AFF3: variants seen among roughly 807,000 people sequenced by gnomAD.
AFF3 encodes ALF transcription elongation factor 3.
In AFF3, 32 loss-of-function variants were observed where a neutral mutation model predicts 129.7. That is an observed-to-expected ratio of 0.25 (90% CI 0.19 to 0.33). The LOEUF (loss-of-function observed/expected upper bound fraction) is 0.33. Ranked by LOEUF, AFF3 falls within the 10% of genes least tolerant of loss-of-function variation. The pLI is 1.00. For missense variants in AFF3, 1,373 were observed against 1,592.0 expected, an observed-to-expected ratio of 0.86 and a Z score of 2.34; for synonymous variants, 644 against 635.4, an observed-to-expected ratio of 1.01 and a Z score of -0.20.
intron 13 of AFF3, among the ~76,000 whole-genome samples, chr2:99,602,322 C>CT (rs1208230077): frequency 6.6e-6 from 1 of 152,182 alleles, no homozygotes; most frequent in African/African-American, 2.4e-5. Context: ...ATATTCCGGA[C>CT]TTTAAAATTC....
chr2:99,647,804 C>T (rs1026116767), intron 13 of AFF3, among the ~76,000 whole-genome samples: 4 of 152,136 alleles, frequency 2.6e-5, no homozygotes, highest in African/African-American at 7.2e-5. Flanking sequence ...TGCCCTATTA[C>T]ATTTGAGGAT....
intron 17 of AFF3, 123 bp downstream of exon 17, chr2:99,582,675 A>G: frequency 9.9e-7 from 1 of 1,005,818 alleles, no homozygotes; most frequent in Non-Finnish European, 1.5e-6. Context: ...TAGAAGCGGG[A>G]GGCATTCAGG....
At chr2:99,887,969 A>G (rs1247024552) in intron 7 of AFF3, among the ~76,000 whole-genome samples, 1 of 152,170 alleles carries the variant, frequency 6.6e-6, no homozygotes, top group Non-Finnish European at 1.5e-5. Flanking sequence ...ATATCCATGG[A>G]CGTCCATGAT....
intron 7 of AFF3, among the ~76,000 whole-genome samples, chr2:99,973,516 C>T (rs1180594912): frequency 5.3e-5 from 8 of 152,094 alleles, no homozygotes; most frequent in African/African-American, 1.2e-4. Context: ...TGGTTTATTC[C>T]GTTTTGTGCA....
intron 7 of AFF3, among the ~76,000 whole-genome samples, chr2:99,913,372 G>A (rs921042092): frequency 5.3e-5 from 8 of 152,126 alleles, no homozygotes; most frequent in Non-Finnish European, 1.0e-4. Flanking sequence ...ATGCAGAAGC[G>A]GGAACACTAG....
intron 11 of AFF3, among the ~76,000 whole-genome samples, chr2:99,688,395 TG>T (rs1486341233): frequency 6.6e-6 from 1 of 152,196 alleles, no homozygotes; most frequent in Non-Finnish European, 1.5e-5. Flanking sequence ...GTCCCAACAA[TG>T]CAATCAGATG....
chr2:99,757,541 T>A (rs550842505), intron 8 of AFF3, among the ~76,000 whole-genome samples: 1 of 152,324 alleles, frequency 6.6e-6, no homozygotes, highest in South Asian at 2.1e-4. Context: ...ATACCCACCC[T>A]GAAAGGTAGG....
chr2:99,602,710 A>C (rs1442987478), intron 13 of AFF3, among the ~76,000 whole-genome samples: 1 of 152,212 alleles, frequency 6.6e-6, no homozygotes, highest in Admixed American at 6.5e-5. Context: ...ACCGAGCATC[A>C]ATGAAGGCCA....
chr2:99,624,285 C>T (rs1299118291), intron 13 of AFF3, among the ~76,000 whole-genome samples: 4 of 152,068 alleles, frequency 2.6e-5, no homozygotes, highest in Non-Finnish European at 5.9e-5. Context: ...AAGGAGGTGA[C>T]AGTTTGGGAA....
At chr2:99,942,174 C>A (rs1376742107) in intron 7 of AFF3, among the ~76,000 whole-genome samples, 1 of 152,122 alleles carries the variant, frequency 6.6e-6, no homozygotes. Flanking sequence ...GGATGAGACA[C>A]AGCTCACGCC....
intron 4 of AFF3, among the ~76,000 whole-genome samples, chr2:100,039,453 G>A (rs777581243): frequency 2.0e-5 from 3 of 152,092 alleles, no homozygotes; most frequent in Non-Finnish European, 2.9e-5. Context: ...TGCTACTTGC[G>A]AGGCTGAGGC....
chr2:99,809,113 C>T (rs1429140443), intron 8 of AFF3, among the ~76,000 whole-genome samples: 1 of 152,092 alleles, frequency 6.6e-6, no homozygotes, highest in Non-Finnish European at 1.5e-5. Context: ...AAAATGAAGT[C>T]GAAGTGCAGT....
Position 99,744,112 on chromosome 2 carries a change from T to A in AFF3, c.1031A>T (p.Asn344Ile). The A allele has an allele frequency of 6.2e-7, 1 of 1,606,848 alleles. No individual in the cohort carries two copies. ...KDSQLVSSGHNNPKKGDAEPE... is the reference protein window; with the variant it reads ...KDSQLVSSGHINPKKGDAEPE... ...AGCGAAGTCTTTCTTACTTGGATTA[T>A]TGTGTCCAGAGGATACAAGCTGAGA... The change falls in exon 10 of 25, where the codon AAT (asparagine) becomes ATT (isoleucine). Residue 344 changes from asparagine (N) to isoleucine (I), a missense_variant. Asn to Ile is a moderately radical substitution (Grantham distance 149). Coordinates refer to ENST00000672756, the MANE Select transcript of AFF3 (RefSeq NM_001386135.1).
At chr2:99,817,780 C>A (rs1352667639) in intron 8 of AFF3, among the ~76,000 whole-genome samples, 2 of 152,162 alleles carry the variant, frequency 1.3e-5, no homozygotes, top group East Asian at 3.9e-4. Context: ...TTGCAGCTTC[C>A]ATTGTCGGAG....
At chr2:100,082,077 A>C (rs1689084696) in intron 4 of AFF3, among the ~76,000 whole-genome samples, 1 of 152,188 alleles carries the variant, frequency 6.6e-6, no homozygotes, top group Non-Finnish European at 1.5e-5. Flanking sequence ...GTTTCTTGAA[A>C]AGCTTTTTAA....
At chr2:99,989,287 C>T (rs1037013747) in intron 7 of AFF3, among the ~76,000 whole-genome samples, 1 of 152,186 alleles carries the variant, frequency 6.6e-6, no homozygotes, top group Admixed American at 6.5e-5. Context: ...ATCACAGAGC[C>T]CACAGAAGAA....
chr2:99,594,798 T>C (rs1222364328), intron 14 of AFF3, among the ~76,000 whole-genome samples: 1 of 152,156 alleles, frequency 6.6e-6, no homozygotes, highest in Non-Finnish European at 1.5e-5. Context: ...AGGTAGGCTG[T>C]AGTAATTTGG....
chr2:99,846,675 C>T (rs1689749523), intron 7 of AFF3, among the ~76,000 whole-genome samples: 1 of 152,242 alleles, frequency 6.6e-6, no homozygotes, highest in South Asian at 2.1e-4. Context: ...GATGGATAAT[C>T]AATTCCCTTT....
intron 10 of AFF3, among the ~76,000 whole-genome samples, chr2:99,729,051 C>T (rs1179739162): frequency 6.6e-6 from 1 of 151,810 alleles, no homozygotes; most frequent in African/African-American, 2.4e-5. Context: ...TTTTTTTTCT[C>T]AAATATATGG....
Sources: allele counts gnomAD v4.1 joint callset (sites outside exome capture counted in the v4.1 genomes callset), GRCh38; gene constraint gnomAD v4.1.1; transcripts MANE v1.5; gene names NCBI Gene and HGNC (gene_info 2026-07-23, HGNC 2026-07-21).